The following ZNF486 variants were observed in gnomAD, a reference collection of about 807,000 sequenced individuals.
ZNF486 encodes zinc finger protein 486, also known as KRAB box only protein 2.
A neutral mutation model predicts 12.8 loss-of-function variants in ZNF486; 12 were observed. The observed-to-expected ratio is 0.94, with a 90% CI of 0.60 to 1.52. The LOEUF is 1.52. Ranked by LOEUF, ZNF486 falls within the 40% of genes most tolerant of loss-of-function variation. The pLI, the probability that ZNF486 is intolerant of heterozygous loss-of-function variation, is 0.00. For synonymous variants in ZNF486, 231 were observed against 184.9 expected (o/e 1.25, Z -2.02); for missense variants, 738 against 545.0 (o/e 1.35, Z -3.53).
chr19:20,186,107 A>C, intron 3 of ZNF486, 25 bp downstream of exon 3: 1 of 1,549,580 alleles, frequency 6.5e-7, no homozygotes, highest in South Asian at 1.2e-5. Flanking sequence ...AAATGAACAC[A>C]ACAGACAATG....
At chr19:20,171,196 G>T (rs2089644271) in intron 1 of ZNF486, among the ~76,000 whole-genome samples, 1 of 152,168 alleles carries the variant, frequency 6.6e-6, no homozygotes, top group Non-Finnish European at 1.5e-5. Flanking sequence ...ACAAAACTCT[G>T]GGTGTTTGGG....
intron 2 of ZNF486, among the ~76,000 whole-genome samples, chr19:20,185,285 CTA>C (rs1289681193): frequency 6.6e-6 from 1 of 150,672 alleles, no homozygotes; most frequent in Non-Finnish European, 1.5e-5. Flanking sequence ...TTTTCTTTCT[CTA>C]TTTTATCAGA....
At chr19:20,184,279 C>G in intron 1 of ZNF486, 77 bp from the exon 2 acceptor site, 1 of 1,593,816 alleles carries the variant, frequency 6.3e-7, no homozygotes, top group Non-Finnish European at 8.6e-7. Context: ...AGTTCTCTTA[C>G]TCTCTCATTT....
In ZNF486 at chr19:20,200,223, GAT is replaced by G. The variant is rs570351776; in HGVS notation, c.*2124_*2125del. 6.6e-6 allele frequency: 1 copy of G among 152,104 alleles called. No homozygotes were observed. The highest frequency in any genetic ancestry group is 1.5e-5 in the Non-Finnish European group (1 of 68,034). The allele number at this position is 152,104 out of a possible 1,614,324, so 9.4% of individuals were successfully genotyped here. On this transcript the variant is annotated 3_prime_UTR_variant, in exon 4 of 4. Transcript: ENST00000335117. Reference sequence around the variant, plus strand: ...TGTGATCAATTTTTGCTGCATCAGAGATATTAGAGATAGTTTTTTATTAATTG... The same window carrying G: ...TGTGATCAATTTTTGCTGCATCAGAGATTAGAGATAGTTTTTTATTAATTG...
chr19:20,176,187 G>C (rs1005528455), intron 1 of ZNF486: 1 of 156,616 alleles, frequency 6.4e-6, no homozygotes, highest in Non-Finnish European at 1.3e-5. Context: ...TATCCCAGAC[G>C]GGGCAGCGGG....
chr19:20,186,113 C>T (rs138283921), intron 3 of ZNF486, 31 bp downstream of exon 3: 9 of 1,532,762 alleles, frequency 5.9e-6, no homozygotes, highest in Non-Finnish European at 7.9e-6. Context: ...ACACAACAGA[C>T]AATGCAGATA....
intron 2 of ZNF486, 116 bp downstream of exon 2, chr19:20,184,598 TC>T (rs782004038): frequency 7.8e-6 from 9 of 1,151,640 alleles, no homozygotes; most frequent in Non-Finnish European, 9.4e-6. Flanking sequence ...ATGTCCTTTT[TC>T]CAGAAAATCT....
intron 1 of ZNF486, among the ~76,000 whole-genome samples, chr19:20,171,707 ATT>A (rs1247740227): frequency 6.6e-6 from 1 of 152,220 alleles, no homozygotes; most frequent in Non-Finnish European, 1.5e-5. Context: ...CCACCCAGGA[ATT>A]ATTTTTTTTC....
At position 20,199,790 on chromosome 19, in the gene ZNF486, T is replaced by C. The variant is rs1177655587; in HGVS notation, c.*1688T>C. The C allele has an allele frequency of 6.6e-6, 1 of 152,086 alleles. No individual in the cohort carries two copies. The highest frequency in any genetic ancestry group is 1.5e-5 in the Non-Finnish European group (1 of 68,048). 9.4% of individuals were successfully genotyped at this position (152,086 alleles called of 1,614,324 possible). ...TGTAATTACATTAAAAGTATACTTGTTCCAGCTGCGTGTGGTGGCTCATGC... is the reference window on the plus strand; with the variant it reads ...TGTAATTACATTAAAAGTATACTTGCTCCAGCTGCGTGTGGTGGCTCATGC... On this transcript the variant is annotated 3_prime_UTR_variant, in exon 4 of 4. Transcript: ENST00000335117.
At chr19:20,193,922 C>T (rs2089931090) in intron 3 of ZNF486, among the ~76,000 whole-genome samples, 2 of 151,880 alleles carry the variant, frequency 1.3e-5, no homozygotes, top group South Asian at 4.2e-4. Flanking sequence ...CTAAAAGATC[C>T]AACAATATAT....
At position 20,195,259 on chromosome 19, in the gene ZNF486, C is replaced by T. The variant is rs2089947362; in HGVS notation, c.254-1705C>T. Among the ~76,000 whole-genome samples, 2 of 152,186 alleles carry T rather than the reference C, an allele frequency of 1.3e-5. 1 individual carries two copies. Among genetic ancestry groups the T allele is most frequent in the Admixed American group, 1.3e-4 (2 of 15,276 alleles). ...TCTCCACTCACTGCAACGTTTCCCG[C>T]CTGGATTCAAGCAATTCTCCTGTGT... On this transcript the variant is annotated intron_variant, in intron 3 of 3. Coordinates refer to ENST00000335117, the MANE Select transcript of ZNF486 (RefSeq NM_052852.4).
Position 20,197,427 on chromosome 19 carries a change from A to G in ZNF486, c.717A>G (p.Lys239=). The change falls in exon 4 of 4, where the codon AAA becomes AAG. Residue 239 remains lysine (K), a synonymous_variant. Coordinates refer to ENST00000335117, the MANE Select transcript of ZNF486 (RefSeq NM_052852.4). The part of the protein sequence containing the change: ...KITHTREKPY[K]CEECGKVFKY... ...CTCATACTAGAGAGAAACCCTACAAATGTGAAGAATGTGGCAAAGTCTTTA... is the reference window on the plus strand; with the variant it reads ...CTCATACTAGAGAGAAACCCTACAAGTGTGAAGAATGTGGCAAAGTCTTTA... 6.2e-7 allele frequency: 1 copy of G among 1,613,672 alleles called. No homozygotes were observed. Among genetic ancestry groups the G allele is most frequent in the Non-Finnish European group, 8.5e-7 (1 of 1,179,832 alleles).
intron 1 of ZNF486, among the ~76,000 whole-genome samples, chr19:20,181,110 G>A (rs1467414665): frequency 6.6e-6 from 1 of 152,064 alleles, no homozygotes; most frequent in African/African-American, 2.4e-5. Context: ...CTTTTTGGAG[G>A]CGTTATTTAG....
chr19:20,170,510 T>C (rs118006115), intron 1 of ZNF486, among the ~76,000 whole-genome samples: 1 of 151,612 alleles, frequency 6.6e-6, no homozygotes, highest in Non-Finnish European at 1.5e-5. Context: ...AAGGTTGCAG[T>C]GAGCAGTGAG....
intron 1 of ZNF486, among the ~76,000 whole-genome samples, chr19:20,179,242 C>T (rs577540247): frequency 6.6e-6 from 1 of 151,268 alleles, no homozygotes; most frequent in Non-Finnish European, 1.5e-5. Context: ...TATCCCATGC[C>T]CTAAAACATA....
intron 1 of ZNF486, among the ~76,000 whole-genome samples, chr19:20,175,550 C>T (rs1322097127): frequency 6.6e-6 from 1 of 151,164 alleles, no homozygotes; most frequent in Non-Finnish European, 1.5e-5. Context: ...AGCATGCTGC[C>T]TTCAAGCATC....
intron 2 of ZNF486, among the ~76,000 whole-genome samples, chr19:20,185,411 T>TG (rs1481958676): frequency 2.2e-5 from 3 of 136,128 alleles, no homozygotes; most frequent in Non-Finnish European, 3.2e-5. Context: ...TATGTTTTTT[T>TG]TTTTTTTTTT....
intron 1 of ZNF486, among the ~76,000 whole-genome samples, chr19:20,171,853 G>A (rs1366596799): frequency 6.6e-6 from 1 of 152,162 alleles, no homozygotes; most frequent in East Asian, 1.9e-4. Context: ...TGTGTTTTCT[G>A]ATCCTCTTAG....
Position 20,197,121 on chromosome 19 carries a change from A to G in ZNF486, c.411A>G (p.Arg137=). The G allele has an allele frequency of 6.2e-7, 1 of 1,613,904 alleles. No individual in the cohort carries two copies. Among genetic ancestry groups the G allele is most frequent in the Non-Finnish European group, 8.5e-7 (1 of 1,179,952 alleles). ...TGGATGAGTGTAAGTTACACAAAAG[A>G]GGTTATAATGGACTTAACCAATGTT... ...ESVDECKLHK[R]GYNGLNQCLT... The change falls in exon 4 of 4, where the codon AGA becomes AGG. Residue 137 remains arginine, a synonymous_variant. Coordinates refer to ENST00000335117, the MANE Select transcript of ZNF486 (RefSeq NM_052852.4).
Sources: allele counts gnomAD v4.1 joint callset (sites outside exome capture counted in the v4.1 genomes callset), GRCh38; gene constraint gnomAD v4.1.1; transcripts MANE v1.5; gene names NCBI Gene and HGNC (gene_info 2026-07-23, HGNC 2026-07-21).